EBF1: variants seen among roughly 807,000 people sequenced by gnomAD.
EBF1 encodes the protein transcription factor COE1.
In EBF1, 10 loss-of-function variants were observed where a neutral mutation model predicts 68.4. The ratio of observed to expected loss-of-function variants is 0.15; its 90% CI spans 0.09 to 0.25. EBF1 has a LOEUF of 0.25. Ranked by LOEUF, EBF1 falls within the 10% of genes least tolerant of loss-of-function variation. The pLI is 1.00. For missense variants in EBF1, 509 were observed against 794.4 expected (o/e 0.64, Z 4.32); for synonymous variants, 298 against 299.8 (o/e 0.99, Z 0.06).
At chr5:158,754,637 G>A (rs934198682) in intron 10 of EBF1, among the ~76,000 whole-genome samples, 2 of 151,928 alleles carry the variant, frequency 1.3e-5, no homozygotes, top group Non-Finnish European at 1.5e-5. Context: ...CTCAACCTAT[G>A]CCACTCACCA....
intron 6 of EBF1, among the ~76,000 whole-genome samples, chr5:158,930,129 G>A (rs1810529886): frequency 6.6e-6 from 1 of 151,564 alleles, no homozygotes. Flanking sequence ...ACTTTTGAGT[G>A]TTAGAAATAC....
chr5:159,077,591 C>A (rs1436629688), intron 5 of EBF1, among the ~76,000 whole-genome samples: 4 of 151,968 alleles, frequency 2.6e-5, no homozygotes, highest in African/African-American at 9.7e-5. Context: ...AGTCATAGAC[C>A]CCAGCAACTA....
At chr5:158,877,960 G>T (rs1798108978) in intron 6 of EBF1, among the ~76,000 whole-genome samples, 1 of 151,792 alleles carries the variant, frequency 6.6e-6, no homozygotes, top group African/African-American at 2.4e-5. Context: ...GAGTCACAAT[G>T]GAAAATAACA....
rs940097583 is a variant in EBF1 at position 158,713,106 on chromosome 5, C to T, written c.1233G>A (p.Leu411=). The change falls in exon 13 of 16, where the codon CTG becomes CTA. Residue 411 remains leucine, a synonymous_variant. Coordinates refer to ENST00000313708, the MANE Select transcript of EBF1 (RefSeq NM_024007.5). ...GGTTGTGGTTGCGGGGAACACTGTA[C>T]AGGGCCTCGGCAATGTCGGCCGCTC... ...LKRAADIAEA[L]YSVPRNHNQL... 1.9e-5 allele frequency: 30 copies of T among 1,571,736 alleles called. No homozygotes were observed. The highest frequency in any genetic ancestry group is 2.6e-5 in the Non-Finnish European group (30 of 1,155,786).
chr5:158,989,781 C>G (rs1263498441), intron 6 of EBF1, among the ~76,000 whole-genome samples: 1 of 152,176 alleles, frequency 6.6e-6, no homozygotes, highest in African/African-American at 2.4e-5. Flanking sequence ...TTTATTATAA[C>G]AGCATGTCTG....
intron 14 of EBF1, among the ~76,000 whole-genome samples, chr5:158,709,589 A>G (rs774028877): frequency 6.6e-6 from 1 of 152,208 alleles, no homozygotes; most frequent in African/African-American, 2.4e-5. Flanking sequence ...ATAGGCAACA[A>G]TTGCCATCAG....
intron 15 of EBF1, 123 bp downstream of exon 15, chr5:158,707,856 C>T: frequency 1.7e-6 from 2 of 1,187,818 alleles, no homozygotes; most frequent in Admixed American, 2.4e-5. Flanking sequence ...GAGATGAGGG[C>T]AGAGAGAATC....
intron 4 of EBF1, among the ~76,000 whole-genome samples, chr5:159,094,155 C>A (rs1371066360): frequency 2.0e-5 from 2 of 100,358 alleles, no homozygotes; most frequent in Admixed American, 2.3e-4. Context: ...TGTGTTTCTG[C>A]CTTGGAAGGC....
At chr5:158,979,511 G>T (rs1456884958) in intron 6 of EBF1, among the ~76,000 whole-genome samples, 1 of 152,064 alleles carries the variant, frequency 6.6e-6, no homozygotes, top group East Asian at 1.9e-4. Flanking sequence ...TTATAAATCG[G>T]TATTGATTTT....
At chr5:158,827,278 A>G (rs1432108204) in intron 7 of EBF1, among the ~76,000 whole-genome samples, 1 of 152,216 alleles carries the variant, frequency 6.6e-6, no homozygotes, top group Non-Finnish European at 1.5e-5. Flanking sequence ...GGATACAGAA[A>G]GTGTTTCTTC....
At chr5:158,785,124 T>G (rs945561490) in intron 9 of EBF1, among the ~76,000 whole-genome samples, 1 of 152,136 alleles carries the variant, frequency 6.6e-6, no homozygotes, top group Admixed American at 6.6e-5. Context: ...GGGTACTGAG[T>G]GATAGACATG....
intron 11 of EBF1, among the ~76,000 whole-genome samples, chr5:158,721,344 G>C (rs1761893762): frequency 6.6e-6 from 1 of 152,086 alleles, no homozygotes; most frequent in Non-Finnish European, 1.5e-5. Context: ...CTATATCAAC[G>C]TAAGACATAC....
chr5:158,813,311 A>T (rs1178934940), intron 8 of EBF1, among the ~76,000 whole-genome samples: 1 of 152,196 alleles, frequency 6.6e-6, no homozygotes, highest in Non-Finnish European at 1.5e-5. Context: ...CCATTTTCTA[A>T]AATTATCTCA....
At chr5:158,703,830 C>T (rs1305631538) in intron 15 of EBF1, among the ~76,000 whole-genome samples, 2 of 152,180 alleles carry the variant, frequency 1.3e-5, no homozygotes, top group East Asian at 1.9e-4. Flanking sequence ...CTTGTTCCTC[C>T]TTGAGCCTGT....
chr5:158,702,766 A>G (rs1377752244), intron 15 of EBF1, among the ~76,000 whole-genome samples: 1 of 150,788 alleles, frequency 6.6e-6, no homozygotes, highest in Admixed American at 6.6e-5. Context: ...AAAAAAAAAA[A>G]AAAAAAAAAG....
intron 9 of EBF1, among the ~76,000 whole-genome samples, chr5:158,794,870 T>A (rs932542405): frequency 3.5e-4 from 53 of 152,146 alleles, no homozygotes; most frequent in African/African-American, 1.2e-3. Context: ...AAACATAGAG[T>A]ACAGTTGGCA....
chr5:158,805,648 G>A (rs1004692092), intron 8 of EBF1, among the ~76,000 whole-genome samples: 2 of 151,776 alleles, frequency 1.3e-5, no homozygotes, highest in Admixed American at 6.6e-5. Context: ...CTACTTTTTT[G>A]TTAGAGGGTT....
intron 6 of EBF1, among the ~76,000 whole-genome samples, chr5:158,936,310 C>T (rs1812007973): frequency 6.6e-6 from 1 of 152,174 alleles, no homozygotes; most frequent in Non-Finnish European, 1.5e-5. Flanking sequence ...GGAGAACAGA[C>T]ACTGCAGGCA....
chr5:158,910,333 T>C (rs1805685143), intron 6 of EBF1, among the ~76,000 whole-genome samples: 1 of 152,246 alleles, frequency 6.6e-6, no homozygotes, highest in Non-Finnish European at 1.5e-5. Flanking sequence ...AGCATAACTT[T>C]CTGTTAATAT....
Sources: gnomAD v4.1 joint callset for allele counts (sites outside exome capture counted in the v4.1 genomes callset) on GRCh38, gnomAD v4.1.1 for gene constraint, MANE v1.5 for transcripts, NCBI Gene and HGNC (gene_info 2026-07-23, HGNC 2026-07-21) for gene names.